Variants in CSMD1 observed in about 807,000 individuals in gnomAD.
CSMD1 encodes the protein CUB and sushi domain-containing protein 1.
Under a neutral mutation model 417.5 loss-of-function variants are expected in CSMD1, and 213 were observed. The ratio of observed to expected loss-of-function variants is 0.51; its 90% CI spans 0.46 to 0.57. The LOEUF (loss-of-function observed/expected upper bound fraction) is 0.57. CSMD1 is among the 20% of genes least tolerant of loss of function. The probability of loss-of-function intolerance (pLI) is 0.00; values close to 1 mark genes in which losing one functional copy is unlikely to be tolerated. For synonymous variants in CSMD1, 2,862 were observed against 1,736.8 expected (o/e 1.65, Z -16.11); for missense variants, 6,923 against 4,529.7 (o/e 1.53, Z -15.17).
chr8:4,652,482 G>C (rs189800486), intron 1 of CSMD1, among the ~76,000 whole-genome samples: 1 of 152,120 alleles, frequency 6.6e-6, no homozygotes, highest in South Asian at 2.1e-4. Flanking sequence ...AAGAACCACT[G>C]TGCCGAGCCT....
intron 1 of CSMD1, among the ~76,000 whole-genome samples, chr8:4,952,472 A>G (rs1341871138): frequency 6.6e-6 from 1 of 152,118 alleles, no homozygotes; most frequent in African/African-American, 2.4e-5. Context: ...CTAAAAGAAA[A>G]GGCAAAATAT....
At chr8:3,415,364 A>G (rs1416246966) in intron 12 of CSMD1, among the ~76,000 whole-genome samples, 1 of 152,068 alleles carries the variant, frequency 6.6e-6, no homozygotes, top group Non-Finnish European at 1.5e-5. Flanking sequence ...TACATGTTGC[A>G]TTTATTTATT....
chr8:3,268,449 C>T (rs984716302), intron 26 of CSMD1, among the ~76,000 whole-genome samples: 1 of 151,866 alleles, frequency 6.6e-6, no homozygotes, highest in African/African-American at 2.4e-5. Context: ...CCACCACGCC[C>T]AGCTGATTTT....
intron 25 of CSMD1, among the ~76,000 whole-genome samples, chr8:3,303,409 G>C (rs914183933): frequency 1.3e-5 from 2 of 152,188 alleles, no homozygotes; most frequent in Non-Finnish European, 2.9e-5. Flanking sequence ...CAGAACACCA[G>C]GGTCGTCAAA....
At chr8:2,980,648 G>A (rs1805327588) in intron 54 of CSMD1, among the ~76,000 whole-genome samples, 1 of 152,186 alleles carries the variant, frequency 6.6e-6, no homozygotes, top group Non-Finnish European at 1.5e-5. Context: ...CACCACGGCT[G>A]GTGAAGGGGA....
chr8:4,895,811 T>C (rs1289607741), intron 1 of CSMD1, among the ~76,000 whole-genome samples: 1 of 152,102 alleles, frequency 6.6e-6, no homozygotes, highest in East Asian at 1.9e-4. Context: ...CAGCTGCTCC[T>C]AAATCCCCTA....
chr8:3,520,141 G>C (rs1326669690), intron 10 of CSMD1, among the ~76,000 whole-genome samples: 1 of 151,644 alleles, frequency 6.6e-6, no homozygotes, highest in African/African-American at 2.4e-5. Flanking sequence ...ATTTATATGA[G>C]AATTACTGTT....
intron 26 of CSMD1, among the ~76,000 whole-genome samples, chr8:3,252,403 G>T (rs1253468966): frequency 3.3e-5 from 5 of 152,134 alleles, no homozygotes; most frequent in African/African-American, 1.2e-4. Flanking sequence ...TGCATCCCAG[G>T]GATGAAGCTC....
At chr8:3,969,326 C>G (rs767035256) in intron 5 of CSMD1, among the ~76,000 whole-genome samples, 2 of 152,156 alleles carry the variant, frequency 1.3e-5, no homozygotes, top group Non-Finnish European at 2.9e-5. Context: ...CAGGCCCATG[C>G]TCTCGCTACT....
intron 1 of CSMD1, among the ~76,000 whole-genome samples, chr8:4,976,638 G>A (rs1025330666): frequency 2.6e-5 from 4 of 152,114 alleles, no homozygotes; most frequent in African/African-American, 9.7e-5. Flanking sequence ...AAACTCATTT[G>A]CTATGACCCT....
chr8:4,364,195 A>T (rs965142750), intron 3 of CSMD1, among the ~76,000 whole-genome samples: 11 of 152,328 alleles, frequency 7.2e-5, no homozygotes, highest in Middle Eastern at 3.4e-3. Flanking sequence ...ACAAAAATTT[A>T]AAAAATAAGT....
intron 5 of CSMD1, among the ~76,000 whole-genome samples, chr8:3,909,644 G>A (rs1808328485): frequency 6.6e-6 from 1 of 152,172 alleles, no homozygotes; most frequent in East Asian, 1.9e-4. Context: ...TGCAGGAATG[G>A]GTGAAGAGTC....
At chr8:3,322,486 C>T (rs944778598) in intron 23 of CSMD1, among the ~76,000 whole-genome samples, 4 of 152,104 alleles carry the variant, frequency 2.6e-5, no homozygotes, top group Non-Finnish European at 4.4e-5. Flanking sequence ...GCTAAATTGC[C>T]TTAAGGGTTC....
chr8:4,413,543 A>C (rs1476778141), intron 3 of CSMD1, among the ~76,000 whole-genome samples: 1 of 152,190 alleles, frequency 6.6e-6, no homozygotes, highest in Non-Finnish European at 1.5e-5. Flanking sequence ...ATGTACTGAC[A>C]GCACTAATTC....
intron 26 of CSMD1, among the ~76,000 whole-genome samples, chr8:3,252,038 T>A (rs1800307623): frequency 6.6e-6 from 1 of 152,236 alleles, no homozygotes; most frequent in African/African-American, 2.4e-5. Flanking sequence ...CCTCTTTTCC[T>A]AATTGAATAC....
At chr8:3,338,619 C>A (rs534819961) in intron 23 of CSMD1, among the ~76,000 whole-genome samples, 10 of 152,146 alleles carry the variant, frequency 6.6e-5, no homozygotes, top group Admixed American at 1.3e-4. Context: ...CAGGGCCTCT[C>A]CCGTGATACC....
chr8:4,064,221 C>T (rs1247415500), intron 3 of CSMD1, among the ~76,000 whole-genome samples: 1 of 152,194 alleles, frequency 6.6e-6, no homozygotes. Flanking sequence ...TTTGTTTCTG[C>T]ATCCCAGTGG....
intron 49 of CSMD1, among the ~76,000 whole-genome samples, chr8:3,053,377 C>A (rs886945668): frequency 5.3e-5 from 8 of 151,216 alleles, no homozygotes; most frequent in African/African-American, 1.9e-4. Flanking sequence ...AGTGTAGACT[C>A]TTTGGTGTCG....
chr8:4,325,769 C>T (rs761189378), intron 3 of CSMD1, among the ~76,000 whole-genome samples: 12 of 152,118 alleles, frequency 7.9e-5, no homozygotes, highest in Admixed American at 2.6e-4. Flanking sequence ...CACCCCTCTC[C>T]ACTTCCCATT....
Sources: gnomAD v4.1 joint callset for allele counts (sites outside exome capture counted in the v4.1 genomes callset) on GRCh38, gnomAD v4.1.1 for gene constraint, MANE v1.5 for transcripts, NCBI Gene and HGNC (gene_info 2026-07-23, HGNC 2026-07-21) for gene names.